The following PCDHA6 variants were observed in gnomAD, a reference collection of about 807,000 sequenced individuals.
The protein encoded by PCDHA6 is protocadherin alpha-6.
Under a neutral mutation model 60.3 loss-of-function variants are expected in PCDHA6, and 55 were observed. That is an observed-to-expected ratio of 0.91 (90% CI 0.73 to 1.14). PCDHA6 has a LOEUF of 1.14. Ranked by LOEUF, PCDHA6 falls within the 50% of genes most tolerant of loss-of-function variation. The probability of loss-of-function intolerance (pLI) is 0.00; values close to 1 mark genes in which losing one functional copy is unlikely to be tolerated. For missense variants in PCDHA6, 1,327 were observed against 1,256.5 expected, an observed-to-expected ratio of 1.06 and a Z score of -0.85; for synonymous variants, 652 against 557.9, an observed-to-expected ratio of 1.17 and a Z score of -2.38.
At chr5:140,848,688 C>T in intron 1 of PCDHA6, 1 of 1,592,412 alleles carries the variant, frequency 6.3e-7, no homozygotes. Context: ...GCGCCTGTTC[C>T]AGTTGGATTC....
intron 1 of PCDHA6, chr5:140,852,445 T>G (rs1294912184): frequency 5.4e-6 from 1 of 184,644 alleles, no homozygotes; most frequent in Admixed American, 6.7e-5. Flanking sequence ...GCCCAGCTAA[T>G]TTTTGTATTT....
chr5:140,891,123 T>G (rs2153433075), intron 1 of PCDHA6, among the ~76,000 whole-genome samples: 1 of 152,342 alleles, frequency 6.6e-6, no homozygotes, highest in East Asian at 1.9e-4. Context: ...AATCTAAATG[T>G]CATTCCTTTA....
At chr5:140,889,263 GTA>G (rs1262739748) in intron 1 of PCDHA6, among the ~76,000 whole-genome samples, 1 of 151,748 alleles carries the variant, frequency 6.6e-6, no homozygotes, top group Admixed American at 6.6e-5. Flanking sequence ...GTAAAAGTTT[GTA>G]TAATCTTTGA....
chr5:140,869,040 G>A, intron 1 of PCDHA6: 23 of 1,529,286 alleles, frequency 1.5e-5, no homozygotes, highest in Non-Finnish European at 1.9e-5. Flanking sequence ...TTTTTAACCT[G>A]AAACTGAAGA....
chr5:140,952,215 C>T (rs2094705548), intron 1 of PCDHA6, among the ~76,000 whole-genome samples: 1 of 152,034 alleles, frequency 6.6e-6, no homozygotes, highest in African/African-American at 2.4e-5. Context: ...GCAGCTTTTC[C>T]AGGCACAGTG....
intron 1 of PCDHA6, among the ~76,000 whole-genome samples, chr5:140,943,845 C>A (rs59104695): frequency 3.3e-5 from 5 of 152,226 alleles, no homozygotes; most frequent in Admixed American, 1.3e-4. Flanking sequence ...TGTAAGATGT[C>A]ACAGAAGTCA....
intron 1 of PCDHA6, chr5:140,930,248 C>T (rs2086692121): frequency 1.3e-5 from 2 of 152,178 alleles, no homozygotes; most frequent in South Asian, 4.1e-4. Flanking sequence ...GTCCATTCAA[C>T]TTGGATTTAA....
intron 1 of PCDHA6, chr5:140,843,278 G>A (rs147078401): frequency 6.3e-7 from 1 of 1,595,978 alleles, no homozygotes; most frequent in Non-Finnish European, 8.6e-7. Flanking sequence ...CCTGGTGAAG[G>A]ATCATGGTGA....
At chr5:140,900,920 T>C (rs539511607) in intron 1 of PCDHA6, among the ~76,000 whole-genome samples, 1 of 152,322 alleles carries the variant, frequency 6.6e-6, no homozygotes, top group South Asian at 2.1e-4. Context: ...TAAGATGATA[T>C]CTCATTGTAG....
chr5:140,927,904 C>T, intron 1 of PCDHA6: 5 of 1,614,202 alleles, frequency 3.1e-6, no homozygotes, highest in Non-Finnish European at 4.2e-6. Flanking sequence ...CGATCATGCC[C>T]CCGAACTGGA....
chr5:140,998,005 C>T (rs539275150), intron 3 of PCDHA6, among the ~76,000 whole-genome samples: 300 of 152,282 alleles, frequency 2.0e-3, no homozygotes, highest in Non-Finnish European at 3.8e-3. Context: ...TCTGAGCCTT[C>T]CATCCCCACC....
In PCDHA6 at chr5:140,863,500, T is replaced by C. The variant is rs536977258; in HGVS notation, c.2394+33015T>C. On this transcript the variant is annotated intron_variant, in intron 1 of 3. Coordinates refer to ENST00000529310, the MANE Select transcript of PCDHA6 (RefSeq NM_018909.4). ...CCTCCCAAGGTCAACATTACGGCTT[T>C]TAGTCCTAGTGTTCTCCCATGGTTC... 36 of 432,458 alleles carry C rather than the reference T, an allele frequency of 8.3e-5. 2 individuals are homozygous for C. Among genetic ancestry groups the C allele is most frequent in the South Asian group, 5.0e-4 (28 of 55,804 alleles). 26.8% of individuals were successfully genotyped at this position (432,458 alleles called of 1,614,324 possible).
chr5:140,919,352 T>G (rs1406850241), intron 1 of PCDHA6, among the ~76,000 whole-genome samples: 1 of 152,222 alleles, frequency 6.6e-6, no homozygotes, highest in Non-Finnish European at 1.5e-5. Flanking sequence ...TCTTTGAATC[T>G]AAAAGTGTCT....
chr5:140,877,255 C>A (rs1554169516), intron 1 of PCDHA6: 2 of 1,613,708 alleles, frequency 1.2e-6, no homozygotes, highest in Non-Finnish European at 8.5e-7. Flanking sequence ...GGCGAAAGTG[C>A]GCGCGGTGGA....
rs2150529065 is a variant in PCDHA6, at chr5:140,853,159, G to A, written c.2394+22674G>A. On this transcript the variant is annotated intron_variant, in intron 1 of 3. Coordinates refer to ENST00000529310, the MANE Select transcript of PCDHA6 (RefSeq NM_018909.4). ...CTCCCAAAATGCTGGGATTACAGGC[G>A]TGAGCCACCGCGCCTGGCCTAAAAT... is the stretch of plus-strand genomic sequence containing the variant. The A allele has an allele frequency of 3.8e-5, 35 of 925,908 alleles. 4 individuals are homozygous for A. In the African/African-American group the frequency reaches 3.9e-4, roughly 10 times the overall value. 57.4% of individuals were successfully genotyped at this position (925,908 alleles called of 1,614,324 possible).
chr5:140,998,195 A>C (rs1409926168), intron 3 of PCDHA6, among the ~76,000 whole-genome samples: 6 of 152,164 alleles, frequency 3.9e-5, no homozygotes, highest in African/African-American at 1.2e-4. Flanking sequence ...ACAAGTATTA[A>C]CTCCTTTAAT....
intron 1 of PCDHA6, among the ~76,000 whole-genome samples, chr5:140,944,308 C>T (rs1385219466): frequency 6.6e-6 from 1 of 152,138 alleles, no homozygotes; most frequent in Non-Finnish European, 1.5e-5. Context: ...CTACCTCAGC[C>T]TCCTGAGTAG....
chr5:140,871,371 G>A (rs948553844), intron 1 of PCDHA6: 1 of 1,614,202 alleles, frequency 6.2e-7, no homozygotes, highest in Non-Finnish European at 8.5e-7. Context: ...GGCGGCAGAG[G>A]GTGTGCTCTG....
chr5:141,001,435 A>G (rs1377491641), intron 3 of PCDHA6, among the ~76,000 whole-genome samples: 4 of 152,202 alleles, frequency 2.6e-5, no homozygotes, highest in African/African-American at 7.2e-5. Flanking sequence ...TTCCATGGAA[A>G]AGTCTTTCCA....
Sources: gnomAD v4.1 joint callset for allele counts (sites outside exome capture counted in the v4.1 genomes callset) on GRCh38, gnomAD v4.1.1 for gene constraint, MANE v1.5 for transcripts, NCBI Gene and HGNC (gene_info 2026-07-23, HGNC 2026-07-21) for gene names.